NBEAL1: variants seen among roughly 807,000 people sequenced by gnomAD.
NBEAL1 encodes neurobeachin like 1.
NBEAL1 carries 273 observed loss-of-function variants against 351.3 expected under a neutral mutation model. The observed-to-expected ratio is 0.78, with a 90% CI of 0.70 to 0.86. The LOEUF (loss-of-function observed/expected upper bound fraction) is 0.86, where lower values mean the gene tolerates loss of function less well. Among genes scored for constraint, NBEAL1 ranks in the 40% least tolerant of loss-of-function variants. The pLI is 0.00. For synonymous variants in NBEAL1, 1,050 were observed against 1,086.4 expected, an observed-to-expected ratio of 0.97 and a Z score of 0.66; for missense variants, 2,961 against 3,201.3, an observed-to-expected ratio of 0.92 and a Z score of 1.81.
intron 7 of NBEAL1, among the ~76,000 whole-genome samples, chr2:203,075,963 G>A (rs1574935473): frequency 6.6e-6 from 1 of 152,286 alleles, no homozygotes; most frequent in South Asian, 2.1e-4. Flanking sequence ...CCTCAAAGCT[G>A]TTTCTTTTTG....
intron 10 of NBEAL1, among the ~76,000 whole-genome samples, chr2:203,087,714 C>T (rs2061994015): frequency 6.6e-6 from 1 of 152,104 alleles, no homozygotes; most frequent in South Asian, 2.1e-4. Flanking sequence ...GTAATATTTT[C>T]TGATGCTCCT....
chr2:203,149,919 T>A (rs1157748524), intron 34 of NBEAL1, among the ~76,000 whole-genome samples: 3 of 152,184 alleles, frequency 2.0e-5, no homozygotes. Context: ...GGCTGAATAG[T>A]ATTCCCTTAT....
intron 36 of NBEAL1, among the ~76,000 whole-genome samples, chr2:203,159,045 C>T (rs888629609): frequency 5.3e-5 from 8 of 152,110 alleles, no homozygotes; most frequent in Non-Finnish European, 4.4e-5. Flanking sequence ...TCTCGAACCT[C>T]TGGGCCCACA....
chr2:203,175,186 G>T lies in NBEAL1; in HGVS notation c.6363G>T (p.Lys2121Asn). ...NFEDPMGTID[K>N]FHYGTHYSNS... Reference sequence around the variant, plus strand: ...AGGATCCTATGGGAACTATTGATAAGTTTCACTATGGTACTCACTATTCAA... The same window carrying T: ...AGGATCCTATGGGAACTATTGATAATTTTCACTATGGTACTCACTATTCAA... The change falls in exon 42 of 56, where the codon AAG becomes AAT. Residue 2121 changes from lysine to asparagine, a missense_variant. Coordinates refer to ENST00000683969, the MANE Select transcript of NBEAL1 (RefSeq NM_001378026.1). 1 of 1,612,890 alleles carries T rather than the reference G, an allele frequency of 6.2e-7. No homozygotes were observed.
chr2:203,169,531 ATC>A (rs915032519), intron 38 of NBEAL1, among the ~76,000 whole-genome samples: 1 of 151,858 alleles, frequency 6.6e-6, no homozygotes, highest in African/African-American at 2.4e-5. Flanking sequence ...GTAAAACCCC[ATC>A]TCTACAAAAA....
At chr2:203,120,663 A>T (rs1189854667) in intron 18 of NBEAL1, among the ~76,000 whole-genome samples, 1 of 152,234 alleles carries the variant, frequency 6.6e-6, no homozygotes, top group Non-Finnish European at 1.5e-5. Context: ...AGTAGATAAT[A>T]GGCAATGGAT....
At chr2:203,158,714 G>A (rs920153383) in intron 36 of NBEAL1, among the ~76,000 whole-genome samples, 3 of 151,266 alleles carry the variant, frequency 2.0e-5, no homozygotes, top group African/African-American at 7.3e-5. Context: ...TCATACTTGT[G>A]CACTTTATTT....
chr2:203,102,431 A>C (rs913438028), intron 12 of NBEAL1, among the ~76,000 whole-genome samples: 1 of 152,156 alleles, frequency 6.6e-6, no homozygotes. Context: ...ATTCAGTATG[A>C]TGTTGGCTGT....
intron 10 of NBEAL1, among the ~76,000 whole-genome samples, chr2:203,088,080 A>G (rs1309391011): frequency 6.6e-6 from 1 of 152,244 alleles, no homozygotes; most frequent in Admixed American, 6.5e-5. Context: ...CTCTATAGCT[A>G]GTATTTTATA....
At chr2:203,201,081 A>G (rs979309596) in intron 49 of NBEAL1, among the ~76,000 whole-genome samples, 4 of 152,220 alleles carry the variant, frequency 2.6e-5, no homozygotes, top group Admixed American at 6.5e-5. Context: ...CTTTGGTTCA[A>G]ATGGAGAACA....
intron 2 of NBEAL1, among the ~76,000 whole-genome samples, chr2:203,020,943 C>T (rs940862714): frequency 9.2e-5 from 14 of 152,010 alleles, no homozygotes; most frequent in African/African-American, 1.4e-4. Context: ...GTTTTGGAGA[C>T]GGAGTCTCAC....
intron 42 of NBEAL1, among the ~76,000 whole-genome samples, chr2:203,177,334 A>T (rs2064539949): frequency 6.6e-6 from 1 of 151,254 alleles, no homozygotes; most frequent in Non-Finnish European, 1.5e-5. Flanking sequence ...CAGGAGTTCA[A>T]GTTCAGCCTG....
At chr2:203,040,866 A>G in intron 2 of NBEAL1, 1 of 428,584 alleles carries the variant, frequency 2.3e-6, no homozygotes, top group Non-Finnish European at 4.5e-6. Flanking sequence ...ATCGGGGTGA[A>G]TGCATCAGTC....
At position 203,172,021 on chromosome 2, in the gene NBEAL1, G is replaced by T; in HGVS notation, c.6196G>T (p.Val2066Leu). Residue 2066 changes from valine (V) to leucine (L), a missense_variant and splice_region_variant, in exon 40 of 56, where the codon GTG becomes TTG. Coordinates refer to ENST00000683969, the MANE Select transcript of NBEAL1 (RefSeq NM_001378026.1). Reference protein sequence around the residue: ...RTYNDLAQYPVFPWILQDYTS... With the variant: ...RTYNDLAQYPLFPWILQDYTS... Reference sequence around the variant, plus strand: ...CTATAATGACCTTGCACAGTATCCTGTGGTAAGTTTTGCATAAACCTTATA... The same window carrying T: ...CTATAATGACCTTGCACAGTATCCTTTGGTAAGTTTTGCATAAACCTTATA... 1.3e-6 allele frequency: 2 copies of T among 1,577,688 alleles called. No homozygotes were observed. Among genetic ancestry groups the T allele is most frequent in the Non-Finnish European group, 1.7e-6 (2 of 1,163,968 alleles).
chr2:203,180,247 G>A, intron 42 of NBEAL1, 135 bp from the exon 43 acceptor site: 1 of 642,718 alleles, frequency 1.6e-6, no homozygotes, highest in Non-Finnish European at 2.6e-6. Context: ...AATTGTACAT[G>A]TAGGCATTAA....
At chr2:203,140,680 A>G (rs2063344714) in intron 31 of NBEAL1, among the ~76,000 whole-genome samples, 1 of 152,176 alleles carries the variant, frequency 6.6e-6, no homozygotes, top group Non-Finnish European at 1.5e-5. Flanking sequence ...AAGAACTTAA[A>G]AAAAATGATT....
chr2:203,022,250 G>A (rs2060784834), intron 2 of NBEAL1, among the ~76,000 whole-genome samples: 1 of 152,054 alleles, frequency 6.6e-6, no homozygotes, highest in Non-Finnish European at 1.5e-5. Flanking sequence ...AGCTATTTTT[G>A]TTCTGTCTGG....
intron 6 of NBEAL1, among the ~76,000 whole-genome samples, chr2:203,058,244 C>T (rs893081295): frequency 6.6e-6 from 1 of 152,120 alleles, no homozygotes; most frequent in African/African-American, 2.4e-5. Context: ...GTTGCCCAGA[C>T]TGGTCTTGAA....
At chr2:203,032,783 G>C (rs2060972026) in intron 2 of NBEAL1, among the ~76,000 whole-genome samples, 1 of 135,882 alleles carries the variant, frequency 7.4e-6, no homozygotes, top group Non-Finnish European at 1.5e-5. Context: ...TCCTGCCTCA[G>C]CCTCCCGAGT....
Sources: allele counts gnomAD v4.1 joint callset (sites outside exome capture counted in the v4.1 genomes callset), GRCh38; gene constraint gnomAD v4.1.1; transcripts MANE v1.5; gene names NCBI Gene and HGNC (gene_info 2026-07-23, HGNC 2026-07-21).